Variants in KIAA2012 observed in about 807,000 individuals in gnomAD.
The protein encoded by KIAA2012 is uncharacterized protein KIAA2012.
A neutral mutation model predicts 150.6 loss-of-function variants in KIAA2012; 125 were observed. The observed-to-expected ratio is 0.83, with a 90% CI of 0.72 to 0.96. The LOEUF is 0.96. Ranked by LOEUF, KIAA2012 falls within the 40% of genes least tolerant of loss-of-function variation. The probability of loss-of-function intolerance (pLI) is 0.00; values close to 1 mark genes in which losing one functional copy is unlikely to be tolerated. For missense variants in KIAA2012, 1,219 were observed against 1,354.9 expected, an observed-to-expected ratio of 0.90 and a Z score of 1.57; for synonymous variants, 462 against 504.7, an observed-to-expected ratio of 0.92 and a Z score of 1.13.
At chr2:202,169,409 A>G (rs1338741126) in intron 15 of KIAA2012, among the ~76,000 whole-genome samples, 1 of 152,196 alleles carries the variant, frequency 6.6e-6, no homozygotes, top group African/African-American at 2.4e-5. Flanking sequence ...GGTGCAGTCA[A>G]GGAACCTACA....
intron 15 of KIAA2012, chr2:202,179,740 G>C: frequency 1.5e-6 from 1 of 649,356 alleles, no homozygotes; most frequent in South Asian, 1.4e-5. Context: ...ATTTCAGTCA[G>C]ATCCATCTGG....
In KIAA2012 at chr2:202,184,400, A is replaced by G. The variant is rs1342587188; in HGVS notation, c.2120-353A>G. 4.1e-5 allele frequency among the ~76,000 whole-genome samples: 6 copies of G among 146,956 alleles called. No individual in the cohort carries two copies. The South Asian group carries it at 6.5e-4, about 16-fold the overall frequency. ...CTCCGTCTCAAAAAAAAAAAAAAAA[A>G]GTAATGTAATAAGAAGTAAGTTGGT... On this transcript the variant is annotated intron_variant, in intron 15 of 23. Transcript: ENST00000498697.
At chr2:202,080,910 C>T (rs891239366) in intron 2 of KIAA2012, among the ~76,000 whole-genome samples, 4 of 152,102 alleles carry the variant, frequency 2.6e-5, no homozygotes, top group Non-Finnish European at 4.4e-5. Context: ...AGTATATTCA[C>T]ATCGTTGTAC....
intron 19 of KIAA2012, among the ~76,000 whole-genome samples, chr2:202,192,750 G>C (rs571428642): frequency 6.6e-6 from 1 of 151,982 alleles, no homozygotes; most frequent in Non-Finnish European, 1.5e-5. Context: ...AGCCATGCCC[G>C]GCCCCTTGTT....
intron 4 of KIAA2012, among the ~76,000 whole-genome samples, chr2:202,095,051 C>T (rs975382389): frequency 1.3e-5 from 2 of 152,176 alleles, no homozygotes; most frequent in African/African-American, 4.8e-5. Context: ...CTTTATCTCA[C>T]AGTGTTGCAT....
At chr2:202,198,260 G>C (rs1692449654) in intron 22 of KIAA2012, among the ~76,000 whole-genome samples, 1 of 148,798 alleles carries the variant, frequency 6.7e-6, no homozygotes. Flanking sequence ...CCTCTCAAAA[G>C]AGGTGTCATA....
rs1335859746 is a variant in KIAA2012 at position 202,103,916 on chromosome 2, CT to C, written c.1324+803del. ...AGACACATTCTTGCTCCAGGGACTTCTCTGGGCCCTCTGGGGCAAAAAGTGT... is the reference window on the plus strand; with the variant it reads ...AGACACATTCTTGCTCCAGGGACTTCCTGGGCCCTCTGGGGCAAAAAGTGT... On this transcript the variant is annotated intron_variant, in intron 8 of 23. Transcript: ENST00000498697. Among the ~76,000 whole-genome samples, 9 of 152,354 alleles carry C rather than the reference CT, an allele frequency of 5.9e-5. No homozygotes were observed. The East Asian group carries it at 1.5e-3, about 26-fold the overall frequency.
chr2:202,168,417 C>CAAA (rs59232782), intron 15 of KIAA2012, among the ~76,000 whole-genome samples: 2 of 92,170 alleles, frequency 2.2e-5, no homozygotes, highest in Admixed American at 1.1e-4. Context: ...GACTCTGTCT[C>CAAA]AAAAAAAAAA....
chr2:202,203,233 TTAGA>T (rs1692564321), intron 23 of KIAA2012, among the ~76,000 whole-genome samples: 1 of 152,164 alleles, frequency 6.6e-6, no homozygotes, highest in East Asian at 1.9e-4. Flanking sequence ...CTGAAAGAGT[TTAGA>T]TAAATGAAAA....
intron 10 of KIAA2012, 37 bp from the exon 11 acceptor site, chr2:202,113,299 G>A (rs767172643): frequency 6.9e-5 from 103 of 1,495,312 alleles, no homozygotes; most frequent in South Asian, 3.6e-4. Context: ...TCACCAACAC[G>A]GTACTGACAC....
intron 12 of KIAA2012, chr2:202,136,028 C>A: frequency 2.6e-6 from 1 of 378,052 alleles, no homozygotes; most frequent in Non-Finnish European, 5.3e-6. Context: ...AACAGAGTCT[C>A]ACTCTGTTGT....
chr2:202,157,847 T>C (rs1691560169), intron 14 of KIAA2012, among the ~76,000 whole-genome samples: 1 of 152,124 alleles, frequency 6.6e-6, no homozygotes, highest in Non-Finnish European at 1.5e-5. Flanking sequence ...CAGCACTCCT[T>C]CTAGAAAATT....
chr2:202,074,836 G>C (rs755911834), intron 1 of KIAA2012, 55 bp from the exon 2 acceptor site: 46 of 1,479,858 alleles, frequency 3.1e-5, no homozygotes, highest in Non-Finnish European at 3.9e-5. Context: ...AGCAGTATTT[G>C]CTATAGAAAG....
intron 11 of KIAA2012, among the ~76,000 whole-genome samples, chr2:202,118,077 A>G (rs922587751): frequency 6.6e-6 from 1 of 152,116 alleles, no homozygotes; most frequent in Non-Finnish European, 1.5e-5. Flanking sequence ...GATTTCAGCC[A>G]TTAATCATTT....
intron 23 of KIAA2012, among the ~76,000 whole-genome samples, chr2:202,203,621 A>C (rs1159012451): frequency 6.6e-6 from 1 of 152,214 alleles, no homozygotes; most frequent in Non-Finnish European, 1.5e-5. Flanking sequence ...CAGATGTAGA[A>C]TATTTCCATG....
In KIAA2012 at chr2:202,187,012, G is replaced by C; in HGVS notation, c.2290G>C (p.Val764Leu). 6.4e-7 allele frequency: 1 copy of C among 1,550,608 alleles called. No individual in the cohort carries two copies. Among genetic ancestry groups the C allele is most frequent in the Non-Finnish European group, 8.7e-7 (1 of 1,146,984 alleles). The change falls in exon 17 of 24, where the codon GTG becomes CTG. Residue 764 changes from valine to leucine, a missense_variant. By Grantham distance (32) the Val-to-Leu change is conservative. Coordinates refer to ENST00000498697, the MANE Select transcript of KIAA2012 (RefSeq NM_001277372.4). Reference protein sequence around the residue: ...GPESPERLSAVYTSLLPRERE... With the variant: ...GPESPERLSALYTSLLPRERE... ...TGAGTCACCCGAGAGGTTGAGTGCT[G>C]TGTATACATCTCTTCTTCCAAGAGA...
chr2:202,100,253 G>C lies in KIAA2012; in HGVS notation c.1013-54G>C, dbSNP rs971813146. On this transcript the variant is annotated intron_variant, in intron 6 of 23. Coordinates refer to ENST00000498697, the MANE Select transcript of KIAA2012 (RefSeq NM_001277372.4). ...ACGTGATAAAAGTCAAAACTCAACT[G>C]TTCATCCCCCTACCTGCAATTAATA... 1.1e-4 allele frequency: 164 copies of C among 1,513,344 alleles called. 2 individuals carry two copies. The Middle Eastern group carries it at 1.4e-3, about 13-fold the overall frequency. The allele number at this position is 1,513,344 out of a possible 1,614,324, so 93.7% of individuals were successfully genotyped here.
chr2:202,081,368 A>G (rs921844954), intron 2 of KIAA2012, among the ~76,000 whole-genome samples: 1 of 152,124 alleles, frequency 6.6e-6, no homozygotes, highest in Non-Finnish European at 1.5e-5. Context: ...ATATACCCAG[A>G]AGTGGAATTG....
chr2:202,128,909 G>A (rs746878984), intron 12 of KIAA2012, among the ~76,000 whole-genome samples: 5 of 152,066 alleles, frequency 3.3e-5, no homozygotes, highest in Non-Finnish European at 5.9e-5. Context: ...CCCATTTGTT[G>A]CTAAGGGAAT....
Sources: gnomAD v4.1 joint callset for allele counts (sites outside exome capture counted in the v4.1 genomes callset) on GRCh38, gnomAD v4.1.1 for gene constraint, MANE v1.5 for transcripts, NCBI Gene and HGNC (gene_info 2026-07-23, HGNC 2026-07-21) for gene names.